ANKS1B: variants seen among roughly 807,000 people sequenced by gnomAD.
ANKS1B encodes ankyrin repeat and sterile alpha motif domain-containing protein 1B.
ANKS1B carries 36 observed loss-of-function variants against 148.3 expected under a neutral mutation model. That is an observed-to-expected ratio of 0.24 (90% CI 0.19 to 0.32). ANKS1B has a LOEUF of 0.32. Ranked by LOEUF, ANKS1B falls within the 10% of genes least tolerant of loss-of-function variation. ANKS1B has a pLI of 1.00. For synonymous variants in ANKS1B, 542 were observed against 560.8 expected, an observed-to-expected ratio of 0.97 and a Z score of 0.47; for missense variants, 1,157 against 1,542.6, an observed-to-expected ratio of 0.75 and a Z score of 4.19.
At chr12:99,669,047 C>A (rs1033235850) in intron 8 of ANKS1B, among the ~76,000 whole-genome samples, 1 of 152,106 alleles carries the variant, frequency 6.6e-6, no homozygotes, top group Non-Finnish European at 1.5e-5. Flanking sequence ...TTGAGTATAT[C>A]AAGCATATTT....
At chr12:98,849,046 C>T (rs913380553) in intron 17 of ANKS1B, among the ~76,000 whole-genome samples, 2 of 151,842 alleles carry the variant, frequency 1.3e-5, no homozygotes, top group East Asian at 1.9e-4. Flanking sequence ...GCCTGATTTG[C>T]GATTTTTCAT....
At chr12:98,910,631 A>G (rs1488141519) in intron 17 of ANKS1B, among the ~76,000 whole-genome samples, 1 of 152,232 alleles carries the variant, frequency 6.6e-6, no homozygotes, top group Non-Finnish European at 1.5e-5. Flanking sequence ...CAATATGTAA[A>G]TCAGCAGAGG....
At chr12:98,781,354 C>T in intron 23 of ANKS1B, 151 bp from the exon 24 acceptor site, 1 of 684,004 alleles carries the variant, frequency 1.5e-6, no homozygotes. Flanking sequence ...CAGATACACA[C>T]CACGCACACT....
At chr12:99,758,710 C>A (rs1240159564) in intron 8 of ANKS1B, among the ~76,000 whole-genome samples, 1 of 151,796 alleles carries the variant, frequency 6.6e-6, no homozygotes, top group African/African-American at 2.4e-5. Flanking sequence ...AACTCAAATT[C>A]CTGTTCTCTA....
chr12:99,659,080 C>A (rs944111324), intron 8 of ANKS1B, among the ~76,000 whole-genome samples: 1 of 152,010 alleles, frequency 6.6e-6, no homozygotes, highest in African/African-American at 2.4e-5. Flanking sequence ...ATCAAGATTG[C>A]CATTTTAGCT....
intron 15 of ANKS1B, chr12:99,097,590 A>G (rs1255946945): frequency 6.6e-6 from 1 of 152,232 alleles, no homozygotes; most frequent in African/African-American, 2.4e-5. Flanking sequence ...AATAAAAAGA[A>G]TATACAGTTC....
chr12:98,966,018 CA>C (rs1366627985), intron 17 of ANKS1B, among the ~76,000 whole-genome samples: 1 of 152,172 alleles, frequency 6.6e-6, no homozygotes, highest in African/African-American at 2.4e-5. Flanking sequence ...ACACCAAAAG[CA>C]ATGGCAACAA....
chr12:99,056,636 C>A (rs1185451097), intron 16 of ANKS1B, among the ~76,000 whole-genome samples: 1 of 152,228 alleles, frequency 6.6e-6, no homozygotes, highest in Non-Finnish European at 1.5e-5. Context: ...TTAGCCTAAT[C>A]TCCCACTCCT....
chr12:98,897,055 G>A (rs1405317844), intron 17 of ANKS1B, among the ~76,000 whole-genome samples: 1 of 152,108 alleles, frequency 6.6e-6, no homozygotes, highest in Admixed American at 6.5e-5. Context: ...GAGTCATTTG[G>A]GATGTTTTGT....
At chr12:99,173,489 A>T (rs967492965) in intron 14 of ANKS1B, among the ~76,000 whole-genome samples, 6 of 152,182 alleles carry the variant, frequency 3.9e-5, no homozygotes, top group Non-Finnish European at 8.8e-5. Flanking sequence ...GAAACTTCAC[A>T]TGCAGGAAAT....
intron 14 of ANKS1B, among the ~76,000 whole-genome samples, chr12:99,234,623 T>G (rs1158005021): frequency 6.6e-6 from 1 of 152,166 alleles, no homozygotes; most frequent in African/African-American, 2.4e-5. Context: ...TGTTAGACTT[T>G]TATGTATATG....
rs111393102 is a variant in ANKS1B at position 99,143,339 on chromosome 12, C to T, written c.2526+10950G>A. Among the ~76,000 whole-genome samples, 1,419 of 152,114 alleles carry T rather than the reference C, an allele frequency of 9.3e-3. 27 individuals are homozygous for T. The highest frequency in any genetic ancestry group is 0.032 in the African/African-American group (1,342 of 41,518). On this transcript the variant is annotated intron_variant, in intron 15 of 26. Transcript: ENST00000683438. ...TAATTTGTAAGTAGAGTTGCAAGGG[C>T]TCTTGTTCTTCAGTTACTATTTTAG...
intron 14 of ANKS1B, among the ~76,000 whole-genome samples, chr12:99,190,256 C>T (rs1006541037): frequency 1.3e-5 from 2 of 152,150 alleles, no homozygotes; most frequent in African/African-American, 4.8e-5. Context: ...GTGAAAACGT[C>T]CATACTACCC....
At chr12:99,626,305 C>T (rs1235808095) in intron 9 of ANKS1B, among the ~76,000 whole-genome samples, 1 of 152,086 alleles carries the variant, frequency 6.6e-6, no homozygotes, top group Admixed American at 6.6e-5. Flanking sequence ...AGCGGTCCAC[C>T]ATTGCCATGA....
chr12:99,117,889 T>C (rs146747725), intron 15 of ANKS1B, among the ~76,000 whole-genome samples: 1,564 of 152,352 alleles, frequency 0.01, 27 homozygotes, highest in African/African-American at 0.036. Flanking sequence ...GTTATTGGTC[T>C]ATTCAGGGAT....
intron 8 of ANKS1B, among the ~76,000 whole-genome samples, chr12:99,684,878 A>G (rs1006018307): frequency 3.3e-5 from 5 of 152,182 alleles, no homozygotes; most frequent in Non-Finnish European, 5.9e-5. Context: ...AGCCACATGT[A>G]GAAGAATGAA....
intron 17 of ANKS1B, among the ~76,000 whole-genome samples, chr12:98,853,199 T>C (rs1055087395): frequency 6.6e-6 from 1 of 152,058 alleles, no homozygotes; most frequent in Non-Finnish European, 1.5e-5. Flanking sequence ...GGGTTTGAGG[T>C]ATGGGGAAAG....
rs73381163 is a variant in ANKS1B, at chr12:99,273,416, A to G, written c.1757-26552T>C. ...TGTCATATCCACAAATCTTTCTGAC[A>G]TAAGTCTTTGTCTACCTTGAGTTCC... On this transcript the variant is annotated intron_variant, in intron 12 of 26. Coordinates refer to ENST00000683438, the MANE Select transcript of ANKS1B (RefSeq NM_001352186.2). Among the ~76,000 whole-genome samples the G allele has an allele frequency of 3.0e-3, 460 of 152,268 alleles. 2 individuals are homozygous for G. The highest frequency in any genetic ancestry group is 0.011 in the African/African-American group (442 of 41,562).
Position 99,927,098 on chromosome 12 carries a change from A to G in ANKS1B, c.134+57006T>C, listed in dbSNP as rs548629256. Among the ~76,000 whole-genome samples the G allele has an allele frequency of 5.4e-4, 82 of 152,304 alleles. 1 individual carries two copies. The highest frequency in any genetic ancestry group is 1.7e-3 in the African/African-American group (72 of 41,570). On this transcript the variant is annotated intron_variant, in intron 1 of 26. Transcript: ENST00000683438. ...TTGAAGTCCCTCTCTGCCAACAACC[A>G]TGTGTGGGAGTTAGGCCTAAGAAAA...
Sources: allele counts gnomAD v4.1 joint callset (sites outside exome capture counted in the v4.1 genomes callset), GRCh38; gene constraint gnomAD v4.1.1; transcripts MANE v1.5; gene names NCBI Gene and HGNC (gene_info 2026-07-23, HGNC 2026-07-21).